The following SLC44A5 variants were observed in gnomAD, a reference collection of about 807,000 sequenced individuals.
SLC44A5 encodes the protein solute carrier family 44 member 5, also known as choline transporter-like protein 5.
Under a neutral mutation model 101.8 loss-of-function variants are expected in SLC44A5, and 57 were observed. The observed-to-expected ratio is 0.56, with a 90% CI of 0.45 to 0.70. SLC44A5 has a LOEUF of 0.70. Among genes scored for constraint, SLC44A5 ranks in the 30% least tolerant of loss-of-function variants. SLC44A5 has a pLI of 0.00. For synonymous variants in SLC44A5, 281 were observed against 290.9 expected (o/e 0.97, Z 0.35); for missense variants, 737 against 853.1 (o/e 0.86, Z 1.70).
At chr1:75,340,644 G>A (rs556084423) in intron 3 of SLC44A5, among the ~76,000 whole-genome samples, 46 of 152,278 alleles carry the variant, frequency 3.0e-4, no homozygotes, top group African/African-American at 1.1e-3. Context: ...CCAATCCACA[G>A]GAGTAGGTCT....
chr1:75,315,143 G>C (rs1391268396), intron 4 of SLC44A5, among the ~76,000 whole-genome samples: 1 of 152,108 alleles, frequency 6.6e-6, no homozygotes. Flanking sequence ...ACTCCTCATA[G>C]AAAAAGTTGA....
chr1:75,269,726 T>C (rs1651304952), intron 6 of SLC44A5, among the ~76,000 whole-genome samples: 1 of 152,188 alleles, frequency 6.6e-6, no homozygotes, highest in Non-Finnish European at 1.5e-5. Flanking sequence ...ATAGGATTTC[T>C]TTCTGTCTGG....
rs1268291569 is a variant in SLC44A5, at chr1:75,251,267, G to T, written c.288C>A (p.Asn96Lys). Residue 96 changes from asparagine (N) to lysine (K), a missense_variant, in exon 7 of 24, where the codon AAC becomes AAA. By Grantham distance (94) the Asn-to-Lys change is moderately conservative. Transcript: ENST00000370859. Reference protein sequence around the residue: ...NENKTILFYFNLLRCTSPSVL... With the variant: ...NENKTILFYFKLLRCTSPSVL... ...CGGAGGGACTGGTACAGCGTAACAG[G>T]TTAAAGTAAAACAAAATGGTCTTGT... 6.2e-7 allele frequency: 1 copy of T among 1,613,284 alleles called. No homozygotes were observed. Among genetic ancestry groups the T allele is most frequent in the Admixed American group, 1.7e-5 (1 of 59,910 alleles).
At chr1:75,341,106 C>G (rs1170607079) in intron 3 of SLC44A5, among the ~76,000 whole-genome samples, 1 of 152,202 alleles carries the variant, frequency 6.6e-6, no homozygotes, top group East Asian at 1.9e-4. Context: ...ATTTTAACAA[C>G]ATTTTTTGGA....
intron 6 of SLC44A5, among the ~76,000 whole-genome samples, chr1:75,270,786 G>A (rs1570529223): frequency 1.3e-5 from 2 of 152,004 alleles, no homozygotes; most frequent in African/African-American, 4.8e-5. Flanking sequence ...TTATTATTTT[G>A]AATAATACTT....
the SLC44A5 span, among the ~76,000 whole-genome samples, chr1:75,718,524 T>C: frequency 6.6e-6 from 1 of 152,178 alleles, no homozygotes; most frequent in Admixed American, 6.5e-5. Flanking sequence ...AAAATACACA[T>C]GCTGTCTGGA....
intron 2 of SLC44A5, among the ~76,000 whole-genome samples, chr1:75,528,554 CAT>C: frequency 6.6e-6 from 1 of 152,246 alleles, no homozygotes; most frequent in East Asian, 1.9e-4. Context: ...TCTATGAAAA[CAT>C]GTGCGACAGT....
chr1:75,272,599 C>G (rs1651578147), intron 6 of SLC44A5, among the ~76,000 whole-genome samples: 1 of 152,032 alleles, frequency 6.6e-6, no homozygotes, highest in South Asian at 2.1e-4. Flanking sequence ...TTTCATTATT[C>G]TACATGTGGC....
intron 2 of SLC44A5, among the ~76,000 whole-genome samples, chr1:75,482,966 CAAAT>C (rs1416487046): frequency 6.6e-6 from 1 of 151,964 alleles, no homozygotes; most frequent in African/African-American, 2.4e-5. Flanking sequence ...GTTTACCAAC[CAAAT>C]AAATTTGAAA....
chr1:75,490,099 T>C (rs1668354168), intron 2 of SLC44A5, among the ~76,000 whole-genome samples: 1 of 152,078 alleles, frequency 6.6e-6, no homozygotes, highest in Admixed American at 6.6e-5. Flanking sequence ...CAACAATGTC[T>C]CTCTAATATT....
rs146181148 is a variant in SLC44A5, at chr1:75,243,536, G to A, written c.346-525C>T. 8.5e-3 allele frequency among the ~76,000 whole-genome samples: 1,299 copies of A among 152,124 alleles called. 21 individuals are homozygous for A. The highest frequency in any genetic ancestry group is 0.03 in the African/African-American group (1,246 of 41,504). On this transcript the variant is annotated intron_variant, in intron 7 of 23. Coordinates refer to ENST00000370859, the MANE Select transcript of SLC44A5 (RefSeq NM_001130058.2). ...TGATATTGATGTTATGTTAAAACAA[G>A]ATACCATACAGTGATAGACTTATTT...
intron 2 of SLC44A5, among the ~76,000 whole-genome samples, chr1:75,459,349 A>G (rs1557806303): frequency 6.6e-6 from 1 of 152,208 alleles, no homozygotes; most frequent in Non-Finnish European, 1.5e-5. Context: ...GTAAAAATTT[A>G]TCCATTTTTT....
chr1:75,338,284 T>A (rs1657600647), intron 4 of SLC44A5, among the ~76,000 whole-genome samples: 1 of 152,036 alleles, frequency 6.6e-6, no homozygotes, highest in Non-Finnish European at 1.5e-5. Flanking sequence ...CACGGTTCCG[T>A]CATTAAATTC....
the SLC44A5 span, among the ~76,000 whole-genome samples, chr1:75,660,425 G>A: frequency 2.6e-5 from 4 of 152,036 alleles, no homozygotes; most frequent in African/African-American, 4.8e-5. Context: ...CCTGGAATAA[G>A]ACAAGGATGC....
Position 75,258,214 on chromosome 1 carries a change from G to A in SLC44A5, c.261-6920C>T, listed in dbSNP as rs991108283. Among the ~76,000 whole-genome samples the A allele has an allele frequency of 2.0e-5, 3 of 152,018 alleles. 1 individual carries two copies. Among genetic ancestry groups the A allele is most frequent in the African/African-American group, 4.8e-5 (2 of 41,352 alleles). ...GAACTGTTCACTCCCCTAGAAAGGGGGCTGAAGCCAGGGAACCAAGTGGTC... is the reference window on the plus strand; with the variant it reads ...GAACTGTTCACTCCCCTAGAAAGGGAGCTGAAGCCAGGGAACCAAGTGGTC... On this transcript the variant is annotated intron_variant, in intron 6 of 23. Transcript: ENST00000370859.
intron 2 of SLC44A5, among the ~76,000 whole-genome samples, chr1:75,415,442 T>C (rs529894540): frequency 1.3e-5 from 2 of 152,330 alleles, no homozygotes; most frequent in African/African-American, 4.8e-5. Context: ...GAACTAAGTC[T>C]AATCAAACCT....
At chr1:75,462,221 G>C (rs1343415161) in intron 2 of SLC44A5, among the ~76,000 whole-genome samples, 2 of 152,162 alleles carry the variant, frequency 1.3e-5, no homozygotes, top group African/African-American at 4.8e-5. Context: ...AGAAAGTAAG[G>C]GAAGAGAACA....
intron 23 of SLC44A5, among the ~76,000 whole-genome samples, chr1:75,209,916 C>T (rs1292724413): frequency 6.6e-6 from 1 of 152,114 alleles, no homozygotes; most frequent in African/African-American, 2.4e-5. Context: ...ACAAGTTCTG[C>T]TCTTTTACTT....
chr1:75,367,410 A>G (rs1304275688), intron 3 of SLC44A5, among the ~76,000 whole-genome samples: 1 of 152,196 alleles, frequency 6.6e-6, no homozygotes, highest in Non-Finnish European at 1.5e-5. Context: ...GACAAGGATC[A>G]TATGCTTCAG....
Sources: allele counts gnomAD v4.1 joint callset (sites outside exome capture counted in the v4.1 genomes callset), GRCh38; gene constraint gnomAD v4.1.1; transcripts MANE v1.5; gene names NCBI Gene and HGNC (gene_info 2026-07-23, HGNC 2026-07-21).